The following RAB11FIP2 variants were observed in gnomAD, a reference collection of about 807,000 sequenced individuals.
The protein encoded by RAB11FIP2 is RAB11 family interacting protein 2, also known as rab11 family-interacting protein 2.
A neutral mutation model predicts 40.9 loss-of-function variants in RAB11FIP2; 16 were observed. The observed-to-expected ratio is 0.39, with a 90% CI of 0.26 to 0.59. The LOEUF (loss-of-function observed/expected upper bound fraction) is 0.59. Ranked by LOEUF, RAB11FIP2 falls within the 20% of genes least tolerant of loss-of-function variation. The probability of loss-of-function intolerance (pLI) is 0.53; values close to 1 mark genes in which losing one functional copy is unlikely to be tolerated. For missense variants in RAB11FIP2, 532 were observed against 606.2 expected (o/e 0.88, Z 1.28); for synonymous variants, 228 against 213.7 (o/e 1.07, Z -0.58).
intron 3 of RAB11FIP2, among the ~76,000 whole-genome samples, chr10:118,035,557 T>C (rs1443257435): frequency 6.6e-6 from 1 of 152,114 alleles, no homozygotes; most frequent in Non-Finnish European, 1.5e-5. Flanking sequence ...ATTAGGAAAC[T>C]GGTTTGCTAC....
chr10:118,029,205 TCCCTTA>T, intron 3 of RAB11FIP2, among the ~76,000 whole-genome samples: 1 of 152,132 alleles, frequency 6.6e-6, no homozygotes, highest in Non-Finnish European at 1.5e-5. Context: ...TTGTCTCTTC[TCCCTTA>T]CCAGTCCCCC....
chr10:118,044,325 G>A (rs1195683676), intron 1 of RAB11FIP2, among the ~76,000 whole-genome samples: 1 of 152,102 alleles, frequency 6.6e-6, no homozygotes, highest in Non-Finnish European at 1.5e-5. Flanking sequence ...ATTTGAAGGT[G>A]CAATATACTT....
intron 1 of RAB11FIP2, among the ~76,000 whole-genome samples, chr10:118,044,264 G>T (rs1323622717): frequency 6.6e-6 from 1 of 152,218 alleles, no homozygotes; most frequent in South Asian, 2.1e-4. Context: ...TTCAGAGAAG[G>T]CCTGAAATAC....
At chr10:118,022,282 G>T (rs560582064) in intron 3 of RAB11FIP2, among the ~76,000 whole-genome samples, 1 of 152,130 alleles carries the variant, frequency 6.6e-6, no homozygotes, top group African/African-American at 2.4e-5. Context: ...GTCTTCTGCT[G>T]ACACTACTGC....
At chr10:118,044,800 AAAG>A (rs1933293252) in intron 1 of RAB11FIP2, among the ~76,000 whole-genome samples, 1 of 152,040 alleles carries the variant, frequency 6.6e-6, no homozygotes, top group South Asian at 2.1e-4. Context: ...AAAGTTTTTT[AAAG>A]AGTAAATAAA....
chr10:118,031,692 G>A (rs1026458716), intron 3 of RAB11FIP2, among the ~76,000 whole-genome samples: 2 of 152,124 alleles, frequency 1.3e-5, no homozygotes, highest in Non-Finnish European at 2.9e-5. Flanking sequence ...TATTTGGCGT[G>A]AGATCATCTG....
intron 3 of RAB11FIP2, among the ~76,000 whole-genome samples, chr10:118,022,996 T>A (rs982214295): frequency 3.3e-5 from 5 of 152,106 alleles, no homozygotes; most frequent in Non-Finnish European, 5.9e-5. Flanking sequence ...ATTAGTGGAG[T>A]GTTTTTCAGT....
intron 4 of RAB11FIP2, among the ~76,000 whole-genome samples, chr10:118,013,636 T>G (rs1174739919): frequency 6.6e-6 from 1 of 152,128 alleles, no homozygotes; most frequent in African/African-American, 2.4e-5. Flanking sequence ...CTTAATTGTA[T>G]CTTGCAGTAA....
chr10:118,025,420 A>G (rs573575855), intron 3 of RAB11FIP2, among the ~76,000 whole-genome samples: 5 of 152,356 alleles, frequency 3.3e-5, no homozygotes, highest in African/African-American at 1.2e-4. Context: ...TCCTGCTTCT[A>G]TAAGTTACAT....
intron 1 of RAB11FIP2, among the ~76,000 whole-genome samples, chr10:118,042,325 G>T (rs1489933161): frequency 6.6e-6 from 1 of 152,094 alleles, no homozygotes; most frequent in Non-Finnish European, 1.5e-5. Flanking sequence ...GACTTTTAGA[G>T]ATAAGACCAA....
chr10:118,011,858 T>C (rs1300008370), intron 4 of RAB11FIP2, among the ~76,000 whole-genome samples: 2 of 152,078 alleles, frequency 1.3e-5, no homozygotes, highest in African/African-American at 4.8e-5. Flanking sequence ...ACTGATTAGT[T>C]GACTGCTTTA....
At chr10:118,022,151 T>G (rs1403845368) in intron 3 of RAB11FIP2, among the ~76,000 whole-genome samples, 2 of 152,230 alleles carry the variant, frequency 1.3e-5, no homozygotes, top group Non-Finnish European at 2.9e-5. Context: ...ACTCCAGTCT[T>G]CAGCTTACAT....
chr10:118,020,237 G>A (rs1042008502), intron 3 of RAB11FIP2, among the ~76,000 whole-genome samples: 4 of 152,140 alleles, frequency 2.6e-5, no homozygotes, highest in African/African-American at 7.2e-5. Flanking sequence ...TTCTTCCACA[G>A]AGCTGCTCTA....
In RAB11FIP2 at chr10:118,046,046, T is replaced by C. The variant is rs1206797808; in HGVS notation, c.118A>G (p.Ile40Val). Residue 40 changes from isoleucine (I) to valine (V), a missense_variant, in exon 1 of 5, where the codon ATT becomes GTT. By Grantham distance (29) the Ile-to-Val change is conservative (BLOSUM62 3). Coordinates refer to ENST00000355624, the MANE Select transcript of RAB11FIP2 (RefSeq NM_014904.3). ...GAGTACTTTTCCTTGCCCAGCTGAA[T>C]TATAGTGTATGTGTCATTGGTACCA... ...KSGTNDTYTI[I>V]QLGKEKYSTS... The C allele has an allele frequency of 1.9e-6, 3 of 1,614,086 alleles. No homozygotes were observed. In the African/African-American group the frequency reaches 4.0e-5, roughly 22 times the overall value.
rs1170523363 is a variant in RAB11FIP2, at chr10:118,034,056, CAATA to C, written c.1265+4912_1265+4915del. On this transcript the variant is annotated intron_variant, in intron 3 of 4. Coordinates refer to ENST00000355624, the MANE Select transcript of RAB11FIP2 (RefSeq NM_014904.3). ...GCAAAGTATTTCTGTAAAGCCCAAA[CAATA>C]AATAGTTTTAGCTTTGTGGGCCATA... 1.4e-5 allele frequency: 10 copies of C among 700,992 alleles called. No individual in the cohort carries two copies. In the Admixed American group the frequency reaches 1.6e-4, roughly 11 times the overall value. 43.4% of individuals were successfully genotyped at this position (700,992 alleles called of 1,614,324 possible). A position where few individuals can be genotyped will look rare whatever the true frequency, so the allele number is the denominator to read the frequency against.
In RAB11FIP2 at chr10:118,005,997, T is replaced by C. The variant is rs1170550892; in HGVS notation, c.*3001A>G. 1 of 152,636 alleles carries C rather than the reference T, an allele frequency of 6.6e-6. No homozygotes were observed. Among genetic ancestry groups the C allele is most frequent in the Non-Finnish European group, 1.5e-5 (1 of 68,032 alleles). The allele number at this position is 152,636 out of a possible 1,614,324, so 9.5% of individuals were successfully genotyped here. A position where few individuals can be genotyped will look rare whatever the true frequency, so the allele number is the denominator to read the frequency against. ...CCACCAAAAGCAATAGATGTAGTTA[T>C]GTATAATCTATAGATAATACTACAT... On this transcript the variant is annotated 3_prime_UTR_variant, in exon 5 of 5. Transcript: ENST00000355624.
At chr10:118,028,875 T>A (rs1846377239) in intron 3 of RAB11FIP2, among the ~76,000 whole-genome samples, 1 of 152,098 alleles carries the variant, frequency 6.6e-6, no homozygotes, top group South Asian at 2.1e-4. Flanking sequence ...CTTCCACTCT[T>A]GTGTTCAAAG....
At chr10:118,030,861 T>C (rs1166724263) in intron 3 of RAB11FIP2, among the ~76,000 whole-genome samples, 1 of 152,088 alleles carries the variant, frequency 6.6e-6, no homozygotes, top group African/African-American at 2.4e-5. Context: ...TGAGAGCTAT[T>C]ATAATGAGTA....
intron 3 of RAB11FIP2, among the ~76,000 whole-genome samples, chr10:118,025,513 A>C (rs1846332193): frequency 6.6e-6 from 1 of 152,110 alleles, no homozygotes; most frequent in South Asian, 2.1e-4. Context: ...GTTCATGTGC[A>C]CCTCTTCCGA....
Sources: gnomAD v4.1 joint callset for allele counts (sites outside exome capture counted in the v4.1 genomes callset) on GRCh38, gnomAD v4.1.1 for gene constraint, MANE v1.5 for transcripts, NCBI Gene and HGNC (gene_info 2026-07-23, HGNC 2026-07-21) for gene names.